CDC42EP5: variants seen among roughly 807,000 people sequenced by gnomAD.
The protein encoded by CDC42EP5 is CDC42 effector protein (Rho GTPase binding) 5.
For synonymous variants in CDC42EP5, 118 were observed against 123.3 expected (o/e 0.96, Z 0.28); for missense variants, 269 against 238.0 (o/e 1.13, Z -0.86).
In CDC42EP5 at chr19:54,465,562, G is replaced by T; in HGVS notation, c.1-15C>A. ...AGCACGGGCATCTGCGAGGGGCACG[G>T]GAGGGTCAGCGCGGCCCCAGCCCGG... is the stretch of plus-strand genomic sequence containing the variant. On this transcript the variant is annotated splice_polypyrimidine_tract_variant and intron_variant, in intron 2 of 2. Transcript: ENST00000301200. 1 of 1,498,150 alleles carries T rather than the reference G, an allele frequency of 6.7e-7. No homozygotes were observed. Among genetic ancestry groups the T allele is most frequent in the Non-Finnish European group, 8.8e-7 (1 of 1,136,046 alleles). 92.8% of individuals were successfully genotyped at this position (1,498,150 alleles called of 1,614,324 possible).
intron 2 of CDC42EP5, 119 bp from the exon 3 acceptor site, chr19:54,465,666 C>CG: frequency 8.1e-7 from 1 of 1,229,426 alleles, no homozygotes; most frequent in Non-Finnish European, 1.0e-6. Flanking sequence ...GTTTTTGAGA[C>CG]GGAGTCTCGC....
At chr19:54,467,900 T>C (rs536227101) in intron 2 of CDC42EP5, among the ~76,000 whole-genome samples, 1 of 152,338 alleles carries the variant, frequency 6.6e-6, no homozygotes, top group African/African-American at 2.4e-5. Context: ...GTGGAACTTC[T>C]GGGAGGGACT....
chr19:54,469,851 C>A (rs867194869), intron 2 of CDC42EP5, among the ~76,000 whole-genome samples: 3 of 152,168 alleles, frequency 2.0e-5, no homozygotes, highest in Non-Finnish European at 4.4e-5. Context: ...CAGCTCTCAG[C>A]CCCTGCCTCT....
Position 54,465,493 on chromosome 19 carries a change from C to G in CDC42EP5, c.55G>C (p.Gly19Arg), listed in dbSNP as rs763663770. The G allele has an allele frequency of 3.3e-6, 5 of 1,537,396 alleles. No homozygotes were observed. The highest frequency in any genetic ancestry group is 4.3e-6 in the Non-Finnish European group (5 of 1,154,416). ...PAQPKKRPDR[G>R]ALSISAPLGD... is the part of the protein sequence containing the mutation. ...AGCGGCGCGGAGATGGACAGGGCGC[C>G]GCGATCAGGCCGCTTCTTGGGCTGC... Residue 19 changes from glycine (G) to arginine (R), a missense_variant, in exon 3 of 3, where the codon GGC (glycine) becomes CGC (arginine). Coordinates refer to ENST00000301200, the MANE Select transcript of CDC42EP5 (RefSeq NM_145057.4).
At chr19:54,469,598 T>G (rs1000023329) in intron 2 of CDC42EP5, among the ~76,000 whole-genome samples, 5 of 152,210 alleles carry the variant, frequency 3.3e-5, no homozygotes, top group Non-Finnish European at 7.3e-5. Flanking sequence ...TCCCAGTCCT[T>G]TTGCAAGAAT....
rs146743486 is a variant in CDC42EP5, at chr19:54,473,012, C to T, written c.-142+52G>A. On this transcript the variant is annotated intron_variant, in intron 1 of 2. Transcript: ENST00000301200. ...GACCCCCAGCCCCTCCTCCCTCAGA[C>T]CCAGGAGTCCAGGCCCCACCCCTGG... 8.0e-3 allele frequency: 1,227 copies of T among 153,618 alleles called. 10 individuals carry two copies. Among genetic ancestry groups the T allele is most frequent in the Middle Eastern group, 0.035 (11 of 310 alleles). 9.5% of individuals were successfully genotyped at this position (153,618 alleles called of 1,614,324 possible).
intron 1 of CDC42EP5, 109 bp from the exon 2 acceptor site, chr19:54,471,794 T>A: frequency 6.1e-6 from 1 of 163,432 alleles, no homozygotes. Context: ...GTCCTAGATC[T>A]TCGCTTTCTT....
rs753994637 is a variant in CDC42EP5 at position 54,468,920 on chromosome 19, C to CTTCCTTCTTTCTTTCTTTCT, written c.-1+2624_-1+2625insAGAAAGAAAGAAAGAAGGAA. On this transcript the variant is annotated intron_variant, in intron 2 of 2. Coordinates refer to ENST00000301200, the MANE Select transcript of CDC42EP5 (RefSeq NM_145057.4). The stretch of plus-strand genomic sequence containing the variant: ...CCTTCCTTCCTTCCTTCCTTCCTTC[C>CTTCCTTCTTTCTTTCTTTCT]TTCTTTCTTTCTTTTCTTCCCTCCC... Among the ~76,000 whole-genome samples the CTTCCTTCTTTCTTTCTTTCT allele has an allele frequency of 4.8e-4, 59 of 123,978 alleles. No individual in the cohort carries two copies. The South Asian group carries it at 6.7e-3, about 14-fold the overall frequency. 81.3% of individuals were successfully genotyped at this position (123,978 alleles called of 152,430 possible).
At position 54,465,096 on chromosome 19, in the gene CDC42EP5, G is replaced by T. The variant is rs1467461549; in HGVS notation, c.*5C>A. On this transcript the variant is annotated 3_prime_UTR_variant, in exon 3 of 3. Coordinates refer to ENST00000301200, the MANE Select transcript of CDC42EP5 (RefSeq NM_145057.4). ...GGGCGGGAAGGGCGCGGGGAATGAG[G>T]GAACCTAGAGGCCGATGACGTCGTT... 1 of 1,349,832 alleles carries T rather than the reference G, an allele frequency of 7.4e-7. No homozygotes were observed. Among genetic ancestry groups the T allele is most frequent in the Non-Finnish European group, 9.5e-7 (1 of 1,051,216 alleles). 83.6% of individuals were successfully genotyped at this position (1,349,832 alleles called of 1,614,324 possible).
At chr19:54,470,835 C>A (rs2084825510) in intron 2 of CDC42EP5, among the ~76,000 whole-genome samples, 1 of 151,986 alleles carries the variant, frequency 6.6e-6, no homozygotes, top group East Asian at 1.9e-4. Flanking sequence ...GGCATGCCAC[C>A]CCATGAGAAA....
At chr19:54,469,573 T>G (rs1162010956) in intron 2 of CDC42EP5, among the ~76,000 whole-genome samples, 1 of 152,228 alleles carries the variant, frequency 6.6e-6, no homozygotes, top group Non-Finnish European at 1.5e-5. Flanking sequence ...AATGGCATGA[T>G]ATTAATCTAA....
At chr19:54,467,814 C>T (rs1336502498) in intron 2 of CDC42EP5, among the ~76,000 whole-genome samples, 4 of 152,214 alleles carry the variant, frequency 2.6e-5, no homozygotes, top group Non-Finnish European at 5.9e-5. Flanking sequence ...TGAGCCACCA[C>T]GCCCGGCCTA....
chr19:54,470,457 A>G (rs1041012314), intron 2 of CDC42EP5, among the ~76,000 whole-genome samples: 3 of 148,696 alleles, frequency 2.0e-5, no homozygotes, highest in African/African-American at 7.7e-5. Context: ...AAAGGAAGGA[A>G]GGAAGGAAAG....
chr19:54,470,035 C>A (rs2084813777), intron 2 of CDC42EP5, among the ~76,000 whole-genome samples: 1 of 152,072 alleles, frequency 6.6e-6, no homozygotes, highest in Non-Finnish European at 1.5e-5. Flanking sequence ...GCTTCCTCAA[C>A]CTAAAGCTCA....
chr19:54,467,409 C>T (rs1600050332), intron 2 of CDC42EP5, among the ~76,000 whole-genome samples: 1 of 150,716 alleles, frequency 6.6e-6, no homozygotes, highest in Admixed American at 6.6e-5. Flanking sequence ...GCTGAGATCG[C>T]GCCATTGCAT....
chr19:54,465,255 G>T lies in CDC42EP5; in HGVS notation c.293C>A (p.Ser98Tyr). 1 of 1,410,032 alleles carries T rather than the reference G, an allele frequency of 7.1e-7. No individual in the cohort carries two copies. Among genetic ancestry groups the T allele is most frequent in the Admixed American group, 2.9e-5 (1 of 34,684 alleles). 87.3% of individuals were successfully genotyped at this position (1,410,032 alleles called of 1,614,324 possible). The change falls in exon 3 of 3, where the codon TCC becomes TAC. Residue 98 changes from serine (S) to tyrosine (Y), a missense_variant. Transcript: ENST00000301200. ...LLSFHLDLGP[S>Y]MLDAVLGVMD... is the part of the protein sequence containing the mutation. ...GACGCCCAGCACCGCGTCCAGCATG[G>T]AGGGCCCCAGATCCAGGTGGAAGGA... is the stretch of plus-strand genomic sequence containing the variant.
chr19:54,467,925 C>G (rs1969356479), intron 2 of CDC42EP5, among the ~76,000 whole-genome samples: 2 of 152,160 alleles, frequency 1.3e-5, no homozygotes, highest in African/African-American at 4.8e-5. Flanking sequence ...TGACCTTGTA[C>G]TTTTGTTTTA....
intron 2 of CDC42EP5, among the ~76,000 whole-genome samples, chr19:54,467,286 T>TA (rs111920581): frequency 0.098 from 14,207 of 145,156 alleles, 1,004 homozygotes; most frequent in African/African-American, 0.19. Context: ...CCATCTCTAC[T>TA]AAAAAAAAAA....
chr19:54,469,750 C>T (rs941574480), intron 2 of CDC42EP5, among the ~76,000 whole-genome samples: 1 of 152,134 alleles, frequency 6.6e-6, no homozygotes, highest in East Asian at 1.9e-4. Context: ...CGAGACAGGA[C>T]GTGACTGACC....
Sources: allele counts gnomAD v4.1 joint callset (sites outside exome capture counted in the v4.1 genomes callset), GRCh38; gene constraint gnomAD v4.1.1; transcripts MANE v1.5; gene names NCBI Gene and HGNC (gene_info 2026-07-23, HGNC 2026-07-21).